Variants in PCDHGA11 observed in about 807,000 individuals in gnomAD.
The protein encoded by PCDHGA11 is protocadherin gamma-A11.
In PCDHGA11, 39 loss-of-function variants were observed where a neutral mutation model predicts 60.4. The ratio of observed to expected loss-of-function variants is 0.65; its 90% CI spans 0.50 to 0.84. PCDHGA11 has a LOEUF of 0.84. Ranked by LOEUF, PCDHGA11 falls within the 40% of genes least tolerant of loss-of-function variation. The pLI, the probability that PCDHGA11 is intolerant of heterozygous loss-of-function variation, is 0.00. For missense variants in PCDHGA11, 1,165 were observed against 1,197.7 expected, an observed-to-expected ratio of 0.97 and a Z score of 0.40; for synonymous variants, 533 against 510.3, an observed-to-expected ratio of 1.04 and a Z score of -0.60.
chr5:141,483,245 A>G (rs2099578786), intron 1 of PCDHGA11, among the ~76,000 whole-genome samples: 1 of 151,456 alleles, frequency 6.6e-6, no homozygotes, highest in Non-Finnish European at 1.5e-5. Flanking sequence ...TGATATGCAT[A>G]TATCATGAGG....
intron 1 of PCDHGA11, among the ~76,000 whole-genome samples, chr5:141,429,781 A>G (rs2097245343): frequency 1.3e-5 from 2 of 152,186 alleles, no homozygotes; most frequent in Non-Finnish European, 2.9e-5. Context: ...TGGGCTTCCA[A>G]AAGTATTACC....
chr5:141,424,005 C>A, intron 1 of PCDHGA11: 1 of 1,070,322 alleles, frequency 9.3e-7, no homozygotes. Context: ...TATATAGATA[C>A]AAATTAATGA....
intron 1 of PCDHGA11, chr5:141,427,597 T>C: frequency 1.5e-6 from 1 of 682,152 alleles, no homozygotes; most frequent in Non-Finnish European, 2.7e-6. Context: ...AGCCTCACCC[T>C]ACGCATTGGT....
Position 141,485,814 on chromosome 5 carries a change from C to T in PCDHGA11, c.2434-8993C>T, listed in dbSNP as rs2099619616. 7.4e-6 allele frequency: 12 copies of T among 1,613,982 alleles called. No individual in the cohort carries two copies. The East Asian group carries it at 2.2e-4, about 30-fold the overall frequency. On this transcript the variant is annotated intron_variant, in intron 1 of 3. Coordinates refer to ENST00000398587, the MANE Select transcript of PCDHGA11 (RefSeq NM_018914.3). This position sits in a 1 kb window ranked among gnomAD's most constrained non-coding sequence, Gnocchi z 5.7. ...TCGGACTACCGCCTGGTGCTGACTG[C>T]TGTCGATGGAGGGAACCCGCCGAGA...
intron 1 of PCDHGA11, chr5:141,440,652 C>T (rs755275974): frequency 6.6e-6 from 1 of 152,160 alleles, no homozygotes; most frequent in Non-Finnish European, 1.5e-5. Flanking sequence ...AAAATTATCA[C>T]CTTAGCAGCA....
intron 1 of PCDHGA11, among the ~76,000 whole-genome samples, chr5:141,463,861 A>G (rs1308802167): frequency 1.3e-5 from 2 of 152,340 alleles, no homozygotes; most frequent in East Asian, 1.9e-4. Context: ...ATCTGGTTTC[A>G]CATGACTGAA....
intron 1 of PCDHGA11, among the ~76,000 whole-genome samples, chr5:141,475,250 A>G (rs941738675): frequency 6.6e-6 from 1 of 152,246 alleles, no homozygotes; most frequent in Non-Finnish European, 1.5e-5. Context: ...AGTGTGCTCT[A>G]CAACTGAGAT....
At position 141,422,849 on chromosome 5, in the gene PCDHGA11, C is replaced by A; in HGVS notation, c.1622C>A (p.Pro541Gln). 1.2e-6 allele frequency: 2 copies of A among 1,614,238 alleles called. No homozygotes were observed. The highest frequency in any genetic ancestry group is 8.5e-7 in the Non-Finnish European group (1 of 1,180,042). ...LRVIARDSGD[P>Q]PLSSNVSLSL... ...GTGATAGCACGTGACAGCGGGGACC[C>A]GCCCCTCAGCAGCAACGTGTCGCTG... Residue 541 changes from proline (P) to glutamine (Q), a missense_variant, in exon 1 of 4, where the codon CCG (proline) becomes CAG (glutamine). Pro to Gln is a moderately conservative substitution (Grantham distance 76). Coordinates refer to ENST00000398587, the MANE Select transcript of PCDHGA11 (RefSeq NM_018914.3).
chr5:141,472,850 G>A (rs1230517294), intron 1 of PCDHGA11, among the ~76,000 whole-genome samples: 1 of 151,876 alleles, frequency 6.6e-6, no homozygotes, highest in Admixed American at 6.6e-5. Flanking sequence ...GCTGGGCATG[G>A]TGGCACATGC....
At chr5:141,484,660 T>G in intron 1 of PCDHGA11, among the ~76,000 whole-genome samples, 1 of 151,976 alleles carries the variant, frequency 6.6e-6, no homozygotes, top group Non-Finnish European at 1.5e-5. Flanking sequence ...ACTCTCCCTC[T>G]CAGTGGGCCG....
intron 1 of PCDHGA11, chr5:141,478,768 A>G: frequency 6.7e-7 from 1 of 1,501,046 alleles, no homozygotes; most frequent in African/African-American, 1.4e-5. Context: ...TACTTGACTC[A>G]TCTGTGGACC....
intron 1 of PCDHGA11, among the ~76,000 whole-genome samples, chr5:141,433,697 CGTG>C (rs1176871032): frequency 6.6e-6 from 1 of 152,020 alleles, no homozygotes; most frequent in Non-Finnish European, 1.5e-5. Context: ...ATTAGCCGGG[CGTG>C]GTGGTGCATG....
intron 1 of PCDHGA11, among the ~76,000 whole-genome samples, chr5:141,468,165 A>T (rs1249592462): frequency 1.3e-5 from 2 of 151,940 alleles, no homozygotes; most frequent in Non-Finnish European, 2.9e-5. Flanking sequence ...TCTCTGCTAA[A>T]AATAGAAAAA....
In PCDHGA11 at chr5:141,422,172, C is replaced by A; in HGVS notation, c.945C>A (p.Phe315Leu). 1.3e-6 allele frequency: 2 copies of A among 1,564,780 alleles called. No individual in the cohort carries two copies. The highest frequency in any genetic ancestry group is 1.7e-6 in the Non-Finnish European group (2 of 1,160,524). ...CTCTGGATTTTGAAAAATATAGATTCTATGAGATGGAAATTCAAGGCCAAG... is the reference window on the plus strand; with the variant it reads ...CTCTGGATTTTGAAAAATATAGATTATATGAGATGGAAATTCAAGGCCAAG... ...RGSLDFEKYR[F>L]YEMEIQGQDG... is the part of the protein sequence containing the mutation. The change falls in exon 1 of 4, where the codon TTC (phenylalanine) becomes TTA (leucine). Residue 315 changes from phenylalanine to leucine, a missense_variant. Transcript: ENST00000398587.
chr5:141,422,862 C>T lies in PCDHGA11; in HGVS notation c.1635C>T (p.Ser545=). 6.2e-7 allele frequency: 1 copy of T among 1,614,270 alleles called. No individual in the cohort carries two copies. The highest frequency in any genetic ancestry group is 8.5e-7 in the Non-Finnish European group (1 of 1,180,054). Residue 545 remains serine, a synonymous_variant, in exon 1 of 4, where the codon AGC becomes AGT. Transcript: ENST00000398587. ...ACAGCGGGGACCCGCCCCTCAGCAG[C>T]AACGTGTCGCTGAGCCTGTTCGTGC... ...ARDSGDPPLS[S]NVSLSLFVLD...
chr5:141,432,088 AGACACCAAC>A lies in PCDHGA11; in HGVS notation c.2433+8433_2433+8441del, dbSNP rs1561857611. 6.2e-7 allele frequency: 1 copy of A among 1,614,148 alleles called. No individual in the cohort carries two copies. Among genetic ancestry groups the A allele is most frequent in the Admixed American group, 1.7e-5 (1 of 60,024 alleles). ...AAACTCATATCTCGCTGAACGTGGC[AGACACCAAC>A]GACAACCCGCCGGTCTTCCCTCAGG... is the stretch of plus-strand genomic sequence containing the variant. On this transcript the variant is annotated intron_variant, in intron 1 of 3. Transcript: ENST00000398587. This position sits in a 1 kb window ranked among gnomAD's most constrained non-coding sequence, Gnocchi z 6.0.
At chr5:141,428,122 G>T in intron 1 of PCDHGA11, 1 of 1,606,172 alleles carries the variant, frequency 6.2e-7, no homozygotes, top group Non-Finnish European at 8.5e-7. Flanking sequence ...ATCGAGCCCG[G>T]GCTTTTCAGC....
Position 141,421,812 on chromosome 5 carries a change from A to T in PCDHGA11, c.585A>T (p.Leu195=). 1 of 1,613,822 alleles carries T rather than the reference A, an allele frequency of 6.2e-7. No homozygotes were observed. Among genetic ancestry groups the T allele is most frequent in the Non-Finnish European group, 8.5e-7 (1 of 1,179,886 alleles). The stretch of plus-strand genomic sequence containing the variant: ...CGGATGGGGCCAAGAATCCAGAGCT[A>T]GTACTGGAGGGAAGCCTGGACCGAG... ...GRTDGAKNPE[L]VLEGSLDREK... Residue 195 remains leucine (L), a synonymous_variant, in exon 1 of 4, where the codon CTA becomes CTT. Coordinates refer to ENST00000398587, the MANE Select transcript of PCDHGA11 (RefSeq NM_018914.3).
intron 2 of PCDHGA11, among the ~76,000 whole-genome samples, chr5:141,496,352 G>A (rs2099768243): frequency 2.0e-5 from 3 of 152,200 alleles, no homozygotes; most frequent in South Asian, 2.1e-4. Context: ...GAGTCTCAGA[G>A]CCCAGGGAGA....
Sources: gnomAD v4.1 joint callset for allele counts (sites outside exome capture counted in the v4.1 genomes callset) on GRCh38, gnomAD v4.1.1 for gene constraint, Gnocchi (gnomAD v3.1) non-coding constraint, MANE v1.5 for transcripts, NCBI Gene and HGNC (gene_info 2026-07-23, HGNC 2026-07-21) for gene names.